LRRC36: variants seen among roughly 807,000 people sequenced by gnomAD.
LRRC36 encodes the protein leucine-rich repeat-containing protein 36.
In LRRC36, 62 loss-of-function variants were observed where a neutral mutation model predicts 81.1. That is an observed-to-expected ratio of 0.76 (90% CI 0.62 to 0.94). The LOEUF (loss-of-function observed/expected upper bound fraction) is 0.94. Among genes scored for constraint, LRRC36 ranks in the 40% least tolerant of loss-of-function variants. LRRC36 has a pLI of 0.00. For synonymous variants in LRRC36, 334 were observed against 348.6 expected, an observed-to-expected ratio of 0.96 and a Z score of 0.47; for missense variants, 761 against 881.7, an observed-to-expected ratio of 0.86 and a Z score of 1.73.
chr16:67,360,126 CA>C (rs551585538), intron 5 of LRRC36, among the ~76,000 whole-genome samples: 278 of 118,314 alleles, frequency 2.3e-3, no homozygotes, highest in Non-Finnish European at 2.4e-3. Context: ...GACTCTGTCT[CA>C]AAAAAAAAAA....
In LRRC36 at chr16:67,326,862, G is replaced by A. The variant is rs1342709721; in HGVS notation, c.-1G>A. 5 of 1,437,722 alleles carry A rather than the reference G, an allele frequency of 3.5e-6. No individual in the cohort carries two copies. The highest frequency in any genetic ancestry group is 3.6e-6 in the Non-Finnish European group (4 of 1,105,614). 89.1% of individuals were successfully genotyped at this position (1,437,722 alleles called of 1,614,324 possible). A position where few individuals can be genotyped will look rare whatever the true frequency, so the allele number is the denominator to read the frequency against. On this transcript the variant is annotated 5_prime_UTR_variant, in exon 1 of 14. Transcript: ENST00000329956. Reference sequence around the variant, plus strand: ...CGGTGGCAGGTGAGCGGCGGGCGGGGATGGCGGAGCAATGGGAGCTGGACG... The same window carrying A: ...CGGTGGCAGGTGAGCGGCGGGCGGGAATGGCGGAGCAATGGGAGCTGGACG...
intron 1 of LRRC36, among the ~76,000 whole-genome samples, chr16:67,337,796 C>T (rs1398482273): frequency 6.6e-6 from 1 of 151,916 alleles, no homozygotes; most frequent in African/African-American, 2.4e-5. Context: ...GATCCCTTTA[C>T]ACCTTAAAAA....
intron 5 of LRRC36, among the ~76,000 whole-genome samples, chr16:67,362,692 C>G (rs576682743): frequency 2.6e-5 from 4 of 152,182 alleles, no homozygotes; most frequent in African/African-American, 7.2e-5. Context: ...GTAAAAAATA[C>G]ATTGGGAGAC....
intron 4 of LRRC36, among the ~76,000 whole-genome samples, chr16:67,349,180 C>A (rs1259740538): frequency 6.6e-6 from 1 of 152,056 alleles, no homozygotes; most frequent in East Asian, 1.9e-4. Context: ...TTCTAATAAA[C>A]AGATAAATTA....
At chr16:67,332,819 A>G (rs1375575754) in intron 1 of LRRC36, among the ~76,000 whole-genome samples, 2 of 152,150 alleles carry the variant, frequency 1.3e-5, no homozygotes, top group Non-Finnish European at 2.9e-5. Context: ...GTGTTAGATC[A>G]TAACATACCA....
At chr16:67,358,603 T>C (rs2039009826) in intron 5 of LRRC36, among the ~76,000 whole-genome samples, 1 of 151,852 alleles carries the variant, frequency 6.6e-6, no homozygotes, top group Non-Finnish European at 1.5e-5. Context: ...CCCTCACACC[T>C]TGGCCTCTTA....
intron 4 of LRRC36, 55 bp downstream of exon 4, chr16:67,347,646 T>G: frequency 8.2e-7 from 1 of 1,225,130 alleles, no homozygotes; most frequent in Non-Finnish European, 1.2e-6. Context: ...TAGGAAATAG[T>G]GAATTCCTGC....
chr16:67,356,176 T>C (rs2038896271), intron 5 of LRRC36, among the ~76,000 whole-genome samples: 1 of 152,180 alleles, frequency 6.6e-6, no homozygotes, highest in African/African-American at 2.4e-5. Flanking sequence ...TGATCTAATA[T>C]CTTATTCTAA....
intron 8 of LRRC36, among the ~76,000 whole-genome samples, chr16:67,370,625 T>C (rs1028239179): frequency 8.7e-6 from 1 of 114,542 alleles, no homozygotes; most frequent in African/African-American, 4.5e-5. Flanking sequence ...CGAGCGAGAC[T>C]CTCTCAAAAA....
At chr16:67,332,314 G>C (rs1184066867) in intron 1 of LRRC36, among the ~76,000 whole-genome samples, 1 of 152,212 alleles carries the variant, frequency 6.6e-6, no homozygotes, top group Non-Finnish European at 1.5e-5. Flanking sequence ...AGCACTTTGG[G>C]AGGCTGAGGA....
At chr16:67,345,656 A>G (rs1481556970) in intron 2 of LRRC36, among the ~76,000 whole-genome samples, 1 of 152,136 alleles carries the variant, frequency 6.6e-6, no homozygotes, top group Non-Finnish European at 1.5e-5. Flanking sequence ...GGAGGCCTAG[A>G]CTGGTCCAGG....
chr16:67,341,125 ACTCTACATATT>A (rs1294719097), intron 1 of LRRC36, among the ~76,000 whole-genome samples: 17 of 115,318 alleles, frequency 1.5e-4, no homozygotes, highest in African/African-American at 4.8e-4. Context: ...TAGAATATGT[ACTCTACATATT>A]CTATAGAATA....
chr16:67,382,361 T>C, intron 13 of LRRC36, 114 bp downstream of exon 13: 2 of 678,298 alleles, frequency 2.9e-6, no homozygotes, highest in Non-Finnish European at 5.0e-6. Context: ...CTCCATTCTG[T>C]GTGTAAACCT....
intron 2 of LRRC36, among the ~76,000 whole-genome samples, chr16:67,342,634 G>A (rs946344591): frequency 9.9e-5 from 15 of 152,184 alleles, no homozygotes; most frequent in Admixed American, 6.5e-4. Flanking sequence ...AACAGTGTGC[G>A]TGTGGATTAG....
Position 67,384,929 on chromosome 16 carries a change from A to G in LRRC36, c.2105A>G (p.Tyr702Cys), listed in dbSNP as rs2040240428. 4 of 1,614,234 alleles carry G rather than the reference A, an allele frequency of 2.5e-6. No individual in the cohort carries two copies. The highest frequency in any genetic ancestry group is 1.6e-4 in the Middle Eastern group (1 of 6,062). The change falls in exon 14 of 14, where the codon TAT becomes TGT. Residue 702 changes from tyrosine (Y) to cysteine (C), a missense_variant. This residue lies in a region of LRRC36 where 359 missense variants were observed against 388.4 expected (regional missense o/e 0.92). Transcript: ENST00000329956. Reference sequence around the variant, plus strand: ...CAGCTGAATAAGGAGCCAAAAGGTTATTCCGGGAAAGCGCTCCTGCCTCCT... The same window carrying G: ...CAGCTGAATAAGGAGCCAAAAGGTTGTTCCGGGAAAGCGCTCCTGCCTCCT... ...LQQLNKEPKG[Y>C]SGKALLPPEK...
chr16:67,330,610 C>T (rs2037435789), intron 1 of LRRC36, among the ~76,000 whole-genome samples: 1 of 151,992 alleles, frequency 6.6e-6, no homozygotes, highest in Admixed American at 6.6e-5. Context: ...GCCTGTAATC[C>T]CAGCATTTTG....
intron 9 of LRRC36, 42 bp from the exon 10 acceptor site, chr16:67,375,205 G>A: frequency 6.3e-7 from 1 of 1,591,562 alleles, no homozygotes; most frequent in Non-Finnish European, 8.6e-7. Flanking sequence ...CAAATGGTTG[G>A]GTTTTTTGTT....
At chr16:67,371,744 G>A (rs1471474813) in intron 9 of LRRC36, 5 of 189,626 alleles carry the variant, frequency 2.6e-5, no homozygotes, top group Non-Finnish European at 4.5e-5. Flanking sequence ...GGTGGCGCAC[G>A]CCTGTAGTGC....
chr16:67,345,637 A>G (rs1000188109), intron 2 of LRRC36, among the ~76,000 whole-genome samples: 1 of 152,168 alleles, frequency 6.6e-6, no homozygotes, highest in African/African-American at 2.4e-5. Flanking sequence ...TGAAGAGGAA[A>G]ACAGTCTAGG....
Sources: allele counts gnomAD v4.1 joint callset (sites outside exome capture counted in the v4.1 genomes callset), GRCh38; gene constraint gnomAD v4.1.1; regional missense constraint gnomAD v4.1.1; transcripts MANE v1.5; gene names NCBI Gene and HGNC (gene_info 2026-07-23, HGNC 2026-07-21).